GABBR2: variants seen among roughly 807,000 people sequenced by gnomAD.
GABBR2 encodes gamma-aminobutyric acid type B receptor subunit 2, also known as G-protein coupled receptor 51.
GABBR2 carries 23 observed loss-of-function variants against 105.6 expected under a neutral mutation model. The ratio of observed to expected loss-of-function variants is 0.22; its 90% CI spans 0.16 to 0.31. The LOEUF is 0.31. Among genes scored for constraint, GABBR2 ranks in the 10% least tolerant of loss-of-function variants. GABBR2 has a pLI of 1.00. For missense variants in GABBR2, 734 were observed against 1,245.5 expected, an observed-to-expected ratio of 0.59 and a Z score of 6.18; for synonymous variants, 478 against 499.7, an observed-to-expected ratio of 0.96 and a Z score of 0.58.
chr9:98,645,472 G>A (rs752566962), intron 1 of GABBR2, among the ~76,000 whole-genome samples: 20 of 152,296 alleles, frequency 1.3e-4, no homozygotes, highest in Middle Eastern at 6.8e-3. Flanking sequence ...TCATCAGAGT[G>A]TTGAAGTTGG....
At chr9:98,310,093 C>A (rs2131360576) in intron 14 of GABBR2, among the ~76,000 whole-genome samples, 1 of 152,238 alleles carries the variant, frequency 6.6e-6, no homozygotes, top group African/African-American at 2.4e-5. Flanking sequence ...GCGCAGTGAC[C>A]AGCTTTGTGT....
At chr9:98,374,179 A>G (rs188873289) in intron 11 of GABBR2, among the ~76,000 whole-genome samples, 2 of 152,266 alleles carry the variant, frequency 1.3e-5, no homozygotes, top group African/African-American at 4.8e-5. Context: ...AGCATTCTTA[A>G]TATTTGCTTT....
At chr9:98,551,781 G>A (rs769951429) in intron 2 of GABBR2, among the ~76,000 whole-genome samples, 16 of 152,158 alleles carry the variant, frequency 1.1e-4, no homozygotes, top group Non-Finnish European at 2.4e-4. Flanking sequence ...TTAGGGAGCC[G>A]GGACATTTAG....
chr9:98,530,115 G>T (rs1480659056), intron 3 of GABBR2, among the ~76,000 whole-genome samples: 1 of 152,214 alleles, frequency 6.6e-6, no homozygotes, highest in Admixed American at 6.5e-5. Context: ...GCACTGCCCT[G>T]TCAGCCAAGA....
At chr9:98,397,986 G>A (rs1171921380) in intron 8 of GABBR2, among the ~76,000 whole-genome samples, 1 of 152,206 alleles carries the variant, frequency 6.6e-6, no homozygotes, top group South Asian at 2.1e-4. Flanking sequence ...GTCCAGCCAG[G>A]TGGTAGCCAT....
At chr9:98,549,412 T>A (rs1406630156) in intron 2 of GABBR2, among the ~76,000 whole-genome samples, 1 of 152,236 alleles carries the variant, frequency 6.6e-6, no homozygotes, top group Non-Finnish European at 1.5e-5. Flanking sequence ...AAAGTTCAAG[T>A]CAGTTTAGTA....
At chr9:98,449,915 T>C (rs1471182795) in intron 7 of GABBR2, among the ~76,000 whole-genome samples, 1 of 152,030 alleles carries the variant, frequency 6.6e-6, no homozygotes, top group African/African-American at 2.4e-5. Context: ...TTCAGAGTGT[T>C]CCCTGAGGAG....
At chr9:98,677,233 G>A (rs1052437786) in intron 1 of GABBR2, among the ~76,000 whole-genome samples, 32 of 152,346 alleles carry the variant, frequency 2.1e-4, no homozygotes, top group East Asian at 3.9e-4. Context: ...CCACTTGCAC[G>A]CCTCCAGACC....
chr9:98,485,787 C>A (rs1270198859), intron 4 of GABBR2, among the ~76,000 whole-genome samples: 1 of 152,184 alleles, frequency 6.6e-6, no homozygotes, highest in African/African-American at 2.4e-5. Context: ...CTCCTTGGGG[C>A]TGGTACACCC....
chr9:98,641,191 T>C (rs1829957083), intron 1 of GABBR2, among the ~76,000 whole-genome samples: 2 of 150,790 alleles, frequency 1.3e-5, no homozygotes, highest in African/African-American at 4.9e-5. Flanking sequence ...TGGAGTGCAG[T>C]GGCACGATCT....
intron 12 of GABBR2, among the ~76,000 whole-genome samples, chr9:98,371,117 G>A (rs41273929): frequency 8.5e-5 from 13 of 152,052 alleles, no homozygotes; most frequent in East Asian, 5.8e-4. Context: ...AGGCTGCCAC[G>A]GATGGTTCCT....
At chr9:98,422,909 A>G (rs1279360041) in intron 7 of GABBR2, among the ~76,000 whole-genome samples, 3 of 151,924 alleles carry the variant, frequency 2.0e-5, no homozygotes, top group Admixed American at 1.3e-4. Flanking sequence ...ATGATTTCCA[A>G]TTTCATCCAT....
chr9:98,591,590 T>C (rs918320193), intron 1 of GABBR2, among the ~76,000 whole-genome samples: 2 of 152,116 alleles, frequency 1.3e-5, no homozygotes, highest in Non-Finnish European at 2.9e-5. Context: ...GGTGGATGGC[T>C]TGGCAAGCAA....
intron 1 of GABBR2, among the ~76,000 whole-genome samples, chr9:98,673,300 A>G (rs1195914367): frequency 6.6e-6 from 1 of 152,224 alleles, no homozygotes; most frequent in Non-Finnish European, 1.5e-5. Context: ...AGAAAATAAA[A>G]TAGCCAAATA....
At chr9:98,303,209 AG>A in intron 16 of GABBR2, 31 bp downstream of exon 16, 1 of 1,588,142 alleles carries the variant, frequency 6.3e-7, no homozygotes, top group Non-Finnish European at 8.6e-7. Flanking sequence ...AGTGGCAGAC[AG>A]GGCCCAGCTA....
chr9:98,584,810 C>A (rs549238095), intron 1 of GABBR2, among the ~76,000 whole-genome samples: 1 of 152,256 alleles, frequency 6.6e-6, no homozygotes, highest in Non-Finnish European at 1.5e-5. Flanking sequence ...AACCTGCCCC[C>A]GTTAGAAAGT....
At chr9:98,318,447 T>G (rs1352499474) in intron 13 of GABBR2, among the ~76,000 whole-genome samples, 2 of 152,200 alleles carry the variant, frequency 1.3e-5, no homozygotes, top group African/African-American at 4.8e-5. Flanking sequence ...CTCTGTATGT[T>G]TCTGACCCTG....
intron 13 of GABBR2, among the ~76,000 whole-genome samples, chr9:98,319,041 T>C (rs1830774395): frequency 6.6e-6 from 1 of 152,036 alleles, no homozygotes. Context: ...ATGGCCTCTT[T>C]TGGGGTGCCA....
chr9:98,679,897 A>G (rs765277033), intron 1 of GABBR2, among the ~76,000 whole-genome samples: 96 of 152,350 alleles, frequency 6.3e-4, no homozygotes, highest in Non-Finnish European at 1.2e-3. Context: ...CCAATCAACT[A>G]TCTCCACAAC....
Sources: allele counts gnomAD v4.1 joint callset (sites outside exome capture counted in the v4.1 genomes callset), GRCh38; gene constraint gnomAD v4.1.1; transcripts MANE v1.5; gene names NCBI Gene and HGNC (gene_info 2026-07-23, HGNC 2026-07-21).